The following SORCS1 variants were observed in gnomAD, a reference collection of about 807,000 sequenced individuals.
The protein encoded by SORCS1 is sortilin related VPS10 domain containing receptor 1.
A neutral mutation model predicts 146.1 loss-of-function variants in SORCS1; 60 were observed. The observed-to-expected ratio is 0.41, with a 90% CI of 0.33 to 0.51. SORCS1 has a LOEUF of 0.51. Among genes scored for constraint, SORCS1 ranks in the 20% least tolerant of loss-of-function variants. The pLI, the probability that SORCS1 is intolerant of heterozygous loss-of-function variation, is 0.21. For synonymous variants in SORCS1, 637 were observed against 584.0 expected (o/e 1.09, Z -1.31); for missense variants, 1,352 against 1,487.6 (o/e 0.91, Z 1.50).
At chr10:106,976,333 G>GTTTTTTTTGT (rs1554901321) in intron 1 of SORCS1, among the ~76,000 whole-genome samples, 2 of 113,814 alleles carry the variant, frequency 1.8e-5, no homozygotes, top group African/African-American at 7.9e-5. Flanking sequence ...AGGTTTTTTT[G>GTTTTTTTTGT]TTTTTTTTTT....
At chr10:106,605,537 C>T (rs1335272691) in intron 23 of SORCS1, among the ~76,000 whole-genome samples, 1 of 152,182 alleles carries the variant, frequency 6.6e-6, no homozygotes, top group Admixed American at 6.5e-5. Flanking sequence ...GCAAATGTTC[C>T]TATCTAAAGG....
chr10:106,733,126 G>GA (rs1427611251), intron 5 of SORCS1, among the ~76,000 whole-genome samples: 2 of 127,770 alleles, frequency 1.6e-5, no homozygotes, highest in African/African-American at 5.9e-5. Flanking sequence ...GAAAAGAAAA[G>GA]AAAAGAAAAG....
At chr10:106,976,342 T>TGG (rs1554901334) in intron 1 of SORCS1, among the ~76,000 whole-genome samples, 1 of 141,290 alleles carries the variant, frequency 7.1e-6, no homozygotes, top group African/African-American at 2.6e-5. Context: ...TGTTTTTTTT[T>TGG]TTTTTTTGAG....
At chr10:107,130,061 A>C (rs1030258394) in intron 1 of SORCS1, among the ~76,000 whole-genome samples, 1 of 152,336 alleles carries the variant, frequency 6.6e-6, no homozygotes, top group Admixed American at 6.5e-5. Flanking sequence ...CAAACTATCA[A>C]GGAAGAAAAA....
intron 23 of SORCS1, among the ~76,000 whole-genome samples, chr10:106,601,074 G>C: frequency 6.6e-6 from 1 of 152,166 alleles, no homozygotes; most frequent in African/African-American, 2.4e-5. Flanking sequence ...TGCATAATTG[G>C]GTAATGTTTG....
chr10:106,870,040 C>T (rs929285374), intron 2 of SORCS1, among the ~76,000 whole-genome samples: 1 of 152,078 alleles, frequency 6.6e-6, no homozygotes, highest in African/African-American at 2.4e-5. Flanking sequence ...CATTCCTATA[C>T]ACTAACAACA....
chr10:107,114,195 C>T (rs929354508), intron 1 of SORCS1, among the ~76,000 whole-genome samples: 3 of 152,062 alleles, frequency 2.0e-5, no homozygotes, highest in South Asian at 2.1e-4. Context: ...TTATACCAAA[C>T]GTTTAAATAA....
chr10:106,958,631 C>A (rs1214478435), intron 1 of SORCS1, among the ~76,000 whole-genome samples: 1 of 147,406 alleles, frequency 6.8e-6, no homozygotes, highest in East Asian at 2.0e-4. Context: ...GGCCGCCCCT[C>A]TCCTAAACTA....
chr10:106,826,302 C>T (rs1453167520), intron 3 of SORCS1, among the ~76,000 whole-genome samples: 1 of 152,240 alleles, frequency 6.6e-6, no homozygotes, highest in Non-Finnish European at 1.5e-5. Context: ...AGAGAAGTAT[C>T]TGGTACAAAA....
At chr10:106,916,234 C>G (rs1952418792) in intron 2 of SORCS1, among the ~76,000 whole-genome samples, 2 of 152,196 alleles carry the variant, frequency 1.3e-5, no homozygotes, top group South Asian at 4.1e-4. Flanking sequence ...ATTCTGAGAG[C>G]TGAAATCATT....
At chr10:106,785,481 A>G (rs567167394) in intron 3 of SORCS1, among the ~76,000 whole-genome samples, 2 of 152,250 alleles carry the variant, frequency 1.3e-5, no homozygotes, top group African/African-American at 4.8e-5. Flanking sequence ...CTGTTCTCTT[A>G]TTAATCTGTC....
At chr10:106,976,343 T>TTTTTTTTTTG (rs1564878128) in intron 1 of SORCS1, among the ~76,000 whole-genome samples, 2 of 36,054 alleles carry the variant, frequency 5.5e-5, no homozygotes, top group African/African-American at 3.0e-4. Flanking sequence ...GTTTTTTTTT[T>TTTTTTTTTTG]TTTTTTGAGA....
intron 1 of SORCS1, among the ~76,000 whole-genome samples, chr10:107,120,434 A>C (rs1966329785): frequency 6.6e-6 from 1 of 152,218 alleles, no homozygotes. Flanking sequence ...ATATTATTCT[A>C]TTCTCTGATG....
intron 9 of SORCS1, among the ~76,000 whole-genome samples, chr10:106,695,948 T>G (rs1467978477): frequency 6.6e-6 from 1 of 152,320 alleles, no homozygotes; most frequent in South Asian, 2.1e-4. Flanking sequence ...CAGGTTCCAA[T>G]GTATTTGCAA....
intron 6 of SORCS1, among the ~76,000 whole-genome samples, chr10:106,718,749 T>C (rs973893061): frequency 6.6e-5 from 10 of 152,204 alleles, no homozygotes; most frequent in Non-Finnish European, 1.3e-4. Context: ...AGAGTGCTGA[T>C]TGGTGCACTT....
the SORCS1 span, among the ~76,000 whole-genome samples, chr10:107,174,869 A>G: frequency 1.8e-4 from 28 of 152,268 alleles, no homozygotes; most frequent in Middle Eastern, 0.017. Context: ...AGCAGGGGGA[A>G]AGGTTTTATT....
At chr10:106,634,185 G>A (rs185230326) in intron 18 of SORCS1, among the ~76,000 whole-genome samples, 4 of 152,262 alleles carry the variant, frequency 2.6e-5, no homozygotes, top group East Asian at 3.9e-4. Flanking sequence ...AGCAAACTTC[G>A]CTAGGAAAAT....
chr10:107,166,900 A>T (rs1970063467), upstream of SORCS1, among the ~76,000 whole-genome samples: 1 of 152,140 alleles, frequency 6.6e-6, no homozygotes, highest in African/African-American at 2.4e-5. Flanking sequence ...CCCTACCACC[A>T]TTTATGTTAT....
intron 1 of SORCS1, among the ~76,000 whole-genome samples, chr10:107,013,168 C>A (rs907582625): frequency 2.6e-5 from 4 of 152,128 alleles, no homozygotes; most frequent in African/African-American, 4.8e-5. Flanking sequence ...TGCCCCTTGG[C>A]TTTTGGCAGG....
Sources: allele counts gnomAD v4.1 joint callset (sites outside exome capture counted in the v4.1 genomes callset), GRCh38; gene constraint gnomAD v4.1.1; transcripts MANE v1.5; gene names NCBI Gene and HGNC (gene_info 2026-07-23, HGNC 2026-07-21).